Variants in MALRD1 observed in about 807,000 individuals in gnomAD.
MALRD1 encodes MAM and LDL receptor class A domain containing 1.
Under a neutral mutation model 242.1 loss-of-function variants are expected in MALRD1, and 247 were observed. That is an observed-to-expected ratio of 1.02 (90% CI 0.92 to 1.13). The LOEUF is 1.13. Ranked by LOEUF, MALRD1 falls within the 50% of genes most tolerant of loss-of-function variation. The pLI, the probability that MALRD1 is intolerant of heterozygous loss-of-function variation, is 0.00. For missense variants in MALRD1, 2,989 were observed against 2,533.1 expected (o/e 1.18, Z -3.86); for synonymous variants, 995 against 866.6 (o/e 1.15, Z -2.60).
At chr10:19,178,788 A>G (rs1008816233) in intron 14 of MALRD1, among the ~76,000 whole-genome samples, 27 of 152,228 alleles carry the variant, frequency 1.8e-4, no homozygotes, top group African/African-American at 6.5e-4. Flanking sequence ...AAGATACGCG[A>G]TTTTCCAACT....
intron 31 of MALRD1, among the ~76,000 whole-genome samples, chr10:19,519,199 C>T (rs1160455868): frequency 8.4e-6 from 1 of 118,628 alleles, no homozygotes; most frequent in Non-Finnish European, 2.1e-5. Flanking sequence ...AATTTTTCAT[C>T]AGCATAGTCA....
chr10:19,714,173 G>A (rs1292884102), intron 38 of MALRD1, among the ~76,000 whole-genome samples: 2 of 152,172 alleles, frequency 1.3e-5, no homozygotes, highest in Non-Finnish European at 2.9e-5. Flanking sequence ...TCTTGCCTTG[G>A]TGTACTGGAA....
chr10:19,235,685 A>G (rs1049859501), intron 18 of MALRD1, among the ~76,000 whole-genome samples: 1 of 151,784 alleles, frequency 6.6e-6, no homozygotes, highest in Non-Finnish European at 1.5e-5. Flanking sequence ...ATGAATGGAA[A>G]GGATTCATGA....
At chr10:19,434,849 A>T (rs1238573109) in intron 28 of MALRD1, among the ~76,000 whole-genome samples, 1 of 151,934 alleles carries the variant, frequency 6.6e-6, no homozygotes, top group Non-Finnish European at 1.5e-5. Context: ...TATGGTCCTG[A>T]ATCTTTTTAT....
intron 18 of MALRD1, among the ~76,000 whole-genome samples, chr10:19,238,232 TTATATATAA>T: frequency 1.6e-5 from 1 of 62,814 alleles, no homozygotes; most frequent in Non-Finnish European, 2.7e-5. Context: ...ATAATATATA[TTATATATAA>T]TATGTAATAT....
At chr10:19,547,802 A>C (rs535154277) in intron 32 of MALRD1, among the ~76,000 whole-genome samples, 18 of 14,504 alleles carry the variant, frequency 1.2e-3, no homozygotes, top group African/African-American at 2.4e-3. Context: ...ATATATATAT[A>C]TATATATATA....
chr10:19,399,323 C>T (rs1846725129), intron 28 of MALRD1, among the ~76,000 whole-genome samples: 1 of 152,084 alleles, frequency 6.6e-6, no homozygotes, highest in Non-Finnish European at 1.5e-5. Context: ...CTTTTTTACT[C>T]TTCTCATTTT....
intron 35 of MALRD1, among the ~76,000 whole-genome samples, chr10:19,611,506 G>A (rs928502286): frequency 1.3e-5 from 2 of 152,118 alleles, no homozygotes; most frequent in South Asian, 2.1e-4. Context: ...GTTGTGAATT[G>A]TATTGGCCTC....
chr10:19,685,223 ACTTTT>A (rs1379365977), intron 36 of MALRD1, among the ~76,000 whole-genome samples: 7 of 152,152 alleles, frequency 4.6e-5, no homozygotes, highest in African/African-American at 9.7e-5. Context: ...CTCTTTAAGA[ACTTTT>A]CTTTATCTTT....
intron 20 of MALRD1, among the ~76,000 whole-genome samples, chr10:19,282,302 T>C (rs1385093436): frequency 6.6e-6 from 1 of 152,196 alleles, no homozygotes; most frequent in Non-Finnish European, 1.5e-5. Flanking sequence ...CATTAACTCA[T>C]ATACCCAAAT....
chr10:19,156,852 T>C (rs1834167261), intron 12 of MALRD1, among the ~76,000 whole-genome samples: 1 of 152,100 alleles, frequency 6.6e-6, no homozygotes, highest in Admixed American at 6.6e-5. Context: ...GGTAACTTAG[T>C]TGGGGTTGGG....
chr10:19,569,320 C>T (rs576506544), intron 33 of MALRD1, among the ~76,000 whole-genome samples: 191 of 152,052 alleles, frequency 1.3e-3, no homozygotes, highest in African/African-American at 4.5e-3. Flanking sequence ...CAAATTCTCC[C>T]ATTTCTCCCT....
chr10:19,181,268 G>A (rs1353804478), intron 14 of MALRD1, among the ~76,000 whole-genome samples: 4 of 152,168 alleles, frequency 2.6e-5, no homozygotes, highest in African/African-American at 4.8e-5. Flanking sequence ...TCCCATGTTC[G>A]CTGCAGGATT....
intron 21 of MALRD1, among the ~76,000 whole-genome samples, chr10:19,286,921 A>G (rs893388890): frequency 2.6e-5 from 4 of 151,066 alleles, no homozygotes; most frequent in Non-Finnish European, 5.9e-5. Flanking sequence ...AAAATCCTCA[A>G]TAAAATACTG....
At chr10:19,063,849 C>T (rs1040430864) in intron 1 of MALRD1, among the ~76,000 whole-genome samples, 2 of 151,716 alleles carry the variant, frequency 1.3e-5, no homozygotes, top group Admixed American at 6.6e-5. Context: ...TGCTAAATGA[C>T]GAGTTAATGG....
At chr10:19,617,822 G>T (rs1393566896) in intron 36 of MALRD1, among the ~76,000 whole-genome samples, 2 of 151,928 alleles carry the variant, frequency 1.3e-5, no homozygotes, top group African/African-American at 4.8e-5. Context: ...GTTTACTTAT[G>T]TAACAAACCT....
intron 18 of MALRD1, among the ~76,000 whole-genome samples, chr10:19,227,948 G>C (rs185433372): frequency 2.0e-5 from 3 of 152,192 alleles, no homozygotes; most frequent in Admixed American, 6.5e-5. Context: ...TGGCTGACAC[G>C]GGCAGAACTG....
chr10:19,389,118 G>T, intron 27 of MALRD1: 2 of 382,180 alleles, frequency 5.2e-6, no homozygotes, highest in Admixed American at 3.4e-5. Context: ...AGATTTCATT[G>T]GTAGTCTTTA....
intron 28 of MALRD1, among the ~76,000 whole-genome samples, chr10:19,441,141 T>C (rs1834623350): frequency 6.6e-6 from 1 of 152,218 alleles, no homozygotes; most frequent in Admixed American, 6.5e-5. Flanking sequence ...ATAAATGTCT[T>C]CTTTTGAGAA....
Sources: allele counts gnomAD v4.1 joint callset (sites outside exome capture counted in the v4.1 genomes callset), GRCh38; gene constraint gnomAD v4.1.1; transcripts MANE v1.5; gene names NCBI Gene and HGNC (gene_info 2026-07-23, HGNC 2026-07-21).